ZBTB20: variants seen among roughly 807,000 people sequenced by gnomAD.
The protein encoded by ZBTB20 is zinc finger and BTB domain containing 20.
Under a neutral mutation model 56.9 loss-of-function variants are expected in ZBTB20, and 9 were observed. That is an observed-to-expected ratio of 0.16 (90% CI 0.10 to 0.28). The LOEUF is 0.28. ZBTB20 is among the 10% of genes least tolerant of loss of function. The probability of loss-of-function intolerance (pLI) is 1.00; values close to 1 mark genes in which losing one functional copy is unlikely to be tolerated. For missense variants in ZBTB20, 655 were observed against 1,003.0 expected (o/e 0.65, Z 4.69); for synonymous variants, 417 against 420.7 (o/e 0.99, Z 0.11).
chr3:114,351,789 G>A lies in ZBTB20; in HGVS notation c.289C>T (p.Gln97Ter), dbSNP rs1350144112. Residue 97 changes from glutamine to a stop codon, truncating the protein, a stop_gained, in exon 11 of 12, where the codon CAG (glutamine) becomes TAG (stop). Transcript: ENST00000675478. LOFTEE classifies it high-confidence loss of function. ...TCACAGAAGTGGCCACGGTTGCGCT[G>A]CTCGTTGAGGGTCTCGAGCACGGAA... ...SNSVLETLNE[Q>*]RNRGHFCDVT... is the part of the protein sequence containing the mutation. 1 of 1,610,004 alleles carries A rather than the reference G, an allele frequency of 6.2e-7. No individual in the cohort carries two copies.
At chr3:114,735,760 T>C (rs1056691013) in intron 5 of ZBTB20, among the ~76,000 whole-genome samples, 3 of 152,176 alleles carry the variant, frequency 2.0e-5, no homozygotes, top group African/African-American at 7.2e-5. Flanking sequence ...CATTTATTTT[T>C]CAATCAAAAT....
intron 7 of ZBTB20, among the ~76,000 whole-genome samples, chr3:114,441,437 G>A (rs765206460): frequency 9.2e-5 from 14 of 152,074 alleles, no homozygotes; most frequent in Non-Finnish European, 1.8e-4. Flanking sequence ...AACTGGCTTC[G>A]GTGATTTCTC....
chr3:114,436,166 C>T lies in ZBTB20; in HGVS notation c.-254-47061G>A, dbSNP rs564466551. On this transcript the variant is annotated intron_variant, in intron 7 of 11. Coordinates refer to ENST00000675478, the MANE Select transcript of ZBTB20 (RefSeq NM_001348800.3). ...GGTCAAAATGTCTTTTCAATAGTTGCTAATATTTCTCTAATGCTCCATAGC... is the reference window on the plus strand; with the variant it reads ...GGTCAAAATGTCTTTTCAATAGTTGTTAATATTTCTCTAATGCTCCATAGC... 1.1e-4 allele frequency among the ~76,000 whole-genome samples: 17 copies of T among 152,290 alleles called. No individual in the cohort carries two copies. In the South Asian group the frequency reaches 2.3e-3, roughly 20 times the overall value.
intron 4 of ZBTB20, among the ~76,000 whole-genome samples, chr3:114,815,190 G>C (rs762365059): frequency 2.6e-5 from 4 of 152,076 alleles, no homozygotes; most frequent in Non-Finnish European, 5.9e-5. Flanking sequence ...TTTAAATTTA[G>C]CTTCTGGCTC....
At position 115,122,288 on chromosome 3, in the gene ZBTB20, T is replaced by C. The variant is rs189014706; in HGVS notation, c.-703+24931A>G. Among the ~76,000 whole-genome samples, 26 of 152,166 alleles carry C rather than the reference T, an allele frequency of 1.7e-4. No individual in the cohort carries two copies. In the East Asian group the frequency reaches 4.8e-3, roughly 28 times the overall value. On this transcript the variant is annotated intron_variant, in intron 1 of 11. Coordinates refer to ENST00000675478, the MANE Select transcript of ZBTB20 (RefSeq NM_001348800.3). ...TAACTAGTGAGGCCCAACTAAGGTT[T>C]TAAAGCATGAATCTAAATACCAAGA...
chr3:114,830,789 T>C (rs1034204919), intron 4 of ZBTB20, among the ~76,000 whole-genome samples: 2 of 151,962 alleles, frequency 1.3e-5, no homozygotes, highest in Non-Finnish European at 2.9e-5. Flanking sequence ...TAATTTCAGA[T>C]GAAATTTAAT....
intron 1 of ZBTB20, among the ~76,000 whole-genome samples, chr3:115,119,512 T>G (rs1179360122): frequency 6.6e-6 from 1 of 152,172 alleles, no homozygotes; most frequent in Non-Finnish European, 1.5e-5. Flanking sequence ...CTGTATAATA[T>G]ATCTTATAGA....
At chr3:115,021,437 AAAGTT>A (rs2080200732) in intron 2 of ZBTB20, among the ~76,000 whole-genome samples, 1 of 150,930 alleles carries the variant, frequency 6.6e-6, no homozygotes, top group South Asian at 2.1e-4. Flanking sequence ...ATATACACGT[AAAGTT>A]AAGAAAGTTT....
chr3:115,116,746 AAG>A (rs2084032366), intron 1 of ZBTB20, among the ~76,000 whole-genome samples: 3 of 152,030 alleles, frequency 2.0e-5, no homozygotes, highest in Admixed American at 2.0e-4. Context: ...GAGAAAGAAA[AAG>A]AGAGCAAGAG....
At chr3:114,625,934 A>G (rs937934803) in intron 6 of ZBTB20, among the ~76,000 whole-genome samples, 1 of 152,210 alleles carries the variant, frequency 6.6e-6, no homozygotes, top group South Asian at 2.1e-4. Context: ...TGGTATCTGA[A>G]CAGACTTAGA....
At chr3:114,554,914 T>C (rs1009476822) in intron 6 of ZBTB20, among the ~76,000 whole-genome samples, 1 of 152,166 alleles carries the variant, frequency 6.6e-6, no homozygotes, top group Non-Finnish European at 1.5e-5. Context: ...CTGGTTACAG[T>C]GGCAGCTTTG....
At chr3:114,778,218 A>T (rs139826602) in intron 5 of ZBTB20, among the ~76,000 whole-genome samples, 15,775 of 148,648 alleles carry the variant, frequency 0.11, 1,171 homozygotes, top group African/African-American at 0.2. Flanking sequence ...CACGTTGTGC[A>T]CATGTACCCT....
At chr3:114,837,226 A>G (rs569239559) in intron 4 of ZBTB20, among the ~76,000 whole-genome samples, 2 of 152,308 alleles carry the variant, frequency 1.3e-5, no homozygotes, top group Admixed American at 6.5e-5. Context: ...CTTAGAACTA[A>G]TTACTAGTAT....
intron 5 of ZBTB20, among the ~76,000 whole-genome samples, chr3:114,723,437 G>A (rs1274773372): frequency 6.6e-6 from 1 of 152,122 alleles, no homozygotes; most frequent in Admixed American, 6.5e-5. Context: ...GACTCATTCT[G>A]GGACTTATAT....
At chr3:114,503,194 G>A (rs1169490835) in intron 6 of ZBTB20, among the ~76,000 whole-genome samples, 1 of 152,154 alleles carries the variant, frequency 6.6e-6, no homozygotes, top group African/African-American at 2.4e-5. Flanking sequence ...GGCTGTCAAT[G>A]ATAGGAATCC....
At chr3:114,926,027 A>G (rs948017799) in intron 3 of ZBTB20, among the ~76,000 whole-genome samples, 1 of 152,202 alleles carries the variant, frequency 6.6e-6, no homozygotes, top group African/African-American at 2.4e-5. Context: ...TGCCCTGTGC[A>G]TGTGCAGTTC....
At chr3:114,869,231 G>C (rs2075891547) in intron 4 of ZBTB20, among the ~76,000 whole-genome samples, 1 of 152,090 alleles carries the variant, frequency 6.6e-6, no homozygotes, top group Non-Finnish European at 1.5e-5. Flanking sequence ...CTCCTTAGAA[G>C]CTCGCTCAAA....
Position 114,776,066 on chromosome 3 carries a change from C to T in ZBTB20, c.-343+25035G>A, listed in dbSNP as rs554418291. Among the ~76,000 whole-genome samples the T allele has an allele frequency of 1.0e-3, 143 of 137,754 alleles. 1 individual carries two copies. The highest frequency in any genetic ancestry group is 2.8e-3 in the Admixed American group (37 of 13,268). The allele number at this position is 137,754 out of a possible 152,430, so 90.4% of individuals were successfully genotyped here. A position where few individuals can be genotyped will look rare whatever the true frequency, so the allele number is the denominator to read the frequency against. The stretch of plus-strand genomic sequence containing the variant: ...TTTTTTTTTACTAACATACAAAGTG[C>T]GGACAGGAAAGTTAAGCCTTTGGAC... On this transcript the variant is annotated intron_variant, in intron 5 of 11. Transcript: ENST00000675478.
chr3:114,746,501 T>C (rs868665801), intron 5 of ZBTB20, among the ~76,000 whole-genome samples: 4 of 152,088 alleles, frequency 2.6e-5, no homozygotes, highest in Admixed American at 6.6e-5. Context: ...GGAGGGAGAA[T>C]TGGTCTTAAC....
Sources: gnomAD v4.1 joint callset for allele counts (sites outside exome capture counted in the v4.1 genomes callset) on GRCh38, gnomAD v4.1.1 for gene constraint, MANE v1.5 for transcripts, NCBI Gene and HGNC (gene_info 2026-07-23, HGNC 2026-07-21) for gene names.